LCLAT1: variants seen among roughly 807,000 people sequenced by gnomAD.
LCLAT1 encodes the protein lysocardiolipin acyltransferase 1, also known as 1-AGP acyltransferase 8.
A neutral mutation model predicts 30.7 loss-of-function variants in LCLAT1; 11 were observed. The ratio of observed to expected loss-of-function variants is 0.36; its 90% CI spans 0.23 to 0.59. The LOEUF is 0.59. Among genes scored for constraint, LCLAT1 ranks in the 20% least tolerant of loss-of-function variants. The pLI is 0.77. For synonymous variants in LCLAT1, 155 were observed against 151.3 expected (o/e 1.02, Z -0.18); for missense variants, 402 against 458.6 (o/e 0.88, Z 1.13).
intron 1 of LCLAT1, among the ~76,000 whole-genome samples, chr2:30,468,847 A>C (rs1017013438): frequency 6.6e-6 from 1 of 152,176 alleles, no homozygotes; most frequent in Admixed American, 6.5e-5. Context: ...TCTTTGAGAA[A>C]CTGCTATTTT....
At chr2:30,543,737 G>A (rs13413980) in intron 3 of LCLAT1, among the ~76,000 whole-genome samples, 19,231 of 151,998 alleles carry the variant, frequency 0.13, 1,346 homozygotes, top group South Asian at 0.23. Flanking sequence ...AAGAGTCTGT[G>A]GTTAATCCCT....
intron 3 of LCLAT1, among the ~76,000 whole-genome samples, chr2:30,560,476 T>C (rs1334770489): frequency 2.6e-5 from 4 of 152,074 alleles, no homozygotes; most frequent in Non-Finnish European, 5.9e-5. Context: ...GTAGCTGGGA[T>C]TACAGGCAGC....
intron 1 of LCLAT1, among the ~76,000 whole-genome samples, chr2:30,457,975 T>G (rs1300468318): frequency 6.6e-6 from 1 of 152,130 alleles, no homozygotes; most frequent in South Asian, 2.1e-4. Flanking sequence ...GAATTCTTTT[T>G]AAAAAACTCT....
rs115617973 is a variant in LCLAT1 at position 30,457,561 on chromosome 2, A to T, written c.-5+10178A>T. Reference sequence around the variant, plus strand: ...GTTTTCTTTTTCTCTTTTGTGGAAGAAGCCAGTTTTTTATCTGTTAAGCAA... The same window carrying T: ...GTTTTCTTTTTCTCTTTTGTGGAAGTAGCCAGTTTTTTATCTGTTAAGCAA... On this transcript the variant is annotated intron_variant, in intron 1 of 5. Coordinates refer to ENST00000379509, the MANE Select transcript of LCLAT1 (RefSeq NM_001002257.3). Among the ~76,000 whole-genome samples, 1,422 of 152,328 alleles carry T rather than the reference A, an allele frequency of 9.3e-3. 24 individuals carry two copies. Among genetic ancestry groups the T allele is most frequent in the African/African-American group, 0.032 (1,339 of 41,562 alleles).
rs1665249686 is a variant in LCLAT1 at position 30,562,039 on chromosome 2, TAATA to T, written c.365-101_365-98del. 8.9e-6 allele frequency: 6 copies of T among 671,650 alleles called. 1 individual carries two copies. The highest frequency in any genetic ancestry group is 5.8e-5 in the East Asian group (2 of 34,722). The allele number at this position is 671,650 out of a possible 1,614,324, so 41.6% of individuals were successfully genotyped here. On this transcript the variant is annotated intron_variant, in intron 3 of 5. Transcript: ENST00000379509. The stretch of plus-strand genomic sequence containing the variant: ...ATGCTATATCATGAAATGTTTACAA[TAATA>T]AATAATATATAGTAAAACCAGAAAA...
At chr2:30,626,809 T>C (rs970934710) in intron 5 of LCLAT1, among the ~76,000 whole-genome samples, 5 of 152,112 alleles carry the variant, frequency 3.3e-5, no homozygotes, top group African/African-American at 1.2e-4. Flanking sequence ...TTGTATCCTA[T>C]AGATTCTCTT....
At chr2:30,559,896 A>G (rs1665110481) in intron 3 of LCLAT1, among the ~76,000 whole-genome samples, 1 of 152,242 alleles carries the variant, frequency 6.6e-6, no homozygotes, top group Non-Finnish European at 1.5e-5. Context: ...GTTAATTAAT[A>G]ATAGCTACCC....
chr2:30,458,774 G>A (rs1681958349), intron 1 of LCLAT1, among the ~76,000 whole-genome samples: 1 of 152,190 alleles, frequency 6.6e-6, no homozygotes, highest in Admixed American at 6.5e-5. Flanking sequence ...TGTGAATAGT[G>A]TAGTTGGATT....
chr2:30,616,524 TTTA>T (rs1054939364), intron 5 of LCLAT1, among the ~76,000 whole-genome samples: 19 of 152,192 alleles, frequency 1.2e-4, no homozygotes, highest in African/African-American at 4.3e-4. Context: ...TTCTAATATT[TTTA>T]TTGTTTTCTC....
chr2:30,514,339 T>C (rs1305652480), intron 1 of LCLAT1, among the ~76,000 whole-genome samples: 1 of 152,202 alleles, frequency 6.6e-6, no homozygotes, highest in African/African-American at 2.4e-5. Flanking sequence ...GCTTATGAAG[T>C]AAGTAGAACA....
chr2:30,478,022 T>C (rs1179363912), intron 1 of LCLAT1, among the ~76,000 whole-genome samples: 1 of 150,766 alleles, frequency 6.6e-6, no homozygotes, highest in Non-Finnish European at 1.5e-5. Context: ...GTCTGAATTC[T>C]GTGGCCCAGG....
intron 5 of LCLAT1, among the ~76,000 whole-genome samples, chr2:30,638,052 G>C (rs1012731761): frequency 6.6e-6 from 1 of 152,112 alleles, no homozygotes; most frequent in Non-Finnish European, 1.5e-5. Context: ...TGTTGATGTA[G>C]GCATTTTCAT....
intron 4 of LCLAT1, among the ~76,000 whole-genome samples, chr2:30,565,997 T>TAGTA (rs1189567068): frequency 1.3e-5 from 2 of 152,100 alleles, no homozygotes; most frequent in Non-Finnish European, 2.9e-5. Flanking sequence ...GAATAGCTGC[T>TAGTA]AGTAGTCCCA....
At chr2:30,525,006 A>G (rs1314444320) in intron 1 of LCLAT1, among the ~76,000 whole-genome samples, 3 of 150,014 alleles carry the variant, frequency 2.0e-5, no homozygotes, top group African/African-American at 7.3e-5. Flanking sequence ...TGTGTTAGAT[A>G]ACACCTTAGA....
chr2:30,480,552 C>T (rs1056676971), intron 1 of LCLAT1, among the ~76,000 whole-genome samples: 1 of 152,096 alleles, frequency 6.6e-6, no homozygotes, highest in Non-Finnish European at 1.5e-5. Context: ...ATTTATCTGA[C>T]TTTTTCTCTT....
chr2:30,619,366 C>T (rs1348658899), intron 5 of LCLAT1, among the ~76,000 whole-genome samples: 2 of 152,176 alleles, frequency 1.3e-5, no homozygotes, highest in East Asian at 1.9e-4. Flanking sequence ...GATTCAGGCT[C>T]CAGACCACCA....
At position 30,640,944 on chromosome 2, in the gene LCLAT1, C is replaced by T. The variant is rs988584279; in HGVS notation, c.*325C>T. 22 of 262,286 alleles carry T rather than the reference C, an allele frequency of 8.4e-5. No individual in the cohort carries two copies. The highest frequency in any genetic ancestry group is 9.5e-5 in the Non-Finnish European group (13 of 137,182). The allele number at this position is 262,286 out of a possible 1,614,324, so 16.2% of individuals were successfully genotyped here. ...AAAGGCCCAATCCTAACAGACTCCCCGTACCAGAGGCAGATCTGGAACTCG... is the reference window on the plus strand; with the variant it reads ...AAAGGCCCAATCCTAACAGACTCCCTGTACCAGAGGCAGATCTGGAACTCG... On this transcript the variant is annotated 3_prime_UTR_variant, in exon 6 of 6. Transcript: ENST00000379509.
chr2:30,633,875 A>T (rs753269113), intron 5 of LCLAT1, among the ~76,000 whole-genome samples: 1 of 152,208 alleles, frequency 6.6e-6, no homozygotes, highest in Non-Finnish European at 1.5e-5. Context: ...TCACTGTACT[A>T]TGCATGTAGA....
At chr2:30,546,229 T>G (rs1457545733) in intron 3 of LCLAT1, among the ~76,000 whole-genome samples, 1 of 152,170 alleles carries the variant, frequency 6.6e-6, no homozygotes, top group Non-Finnish European at 1.5e-5. Flanking sequence ...GTGGGCTGCT[T>G]TCACAGGATA....
Sources: allele counts gnomAD v4.1 joint callset (sites outside exome capture counted in the v4.1 genomes callset), GRCh38; gene constraint gnomAD v4.1.1; transcripts MANE v1.5; gene names NCBI Gene and HGNC (gene_info 2026-07-23, HGNC 2026-07-21).